Variants in SIPA1L1 observed in about 807,000 individuals in gnomAD.
SIPA1L1 encodes the protein signal-induced proliferation-associated 1-like protein 1.
A neutral mutation model predicts 162.7 loss-of-function variants in SIPA1L1; 26 were observed. The observed-to-expected ratio is 0.16, with a 90% CI of 0.12 to 0.22. The LOEUF is 0.22. Ranked by LOEUF, SIPA1L1 falls within the 10% of genes least tolerant of loss-of-function variation. SIPA1L1 has a pLI of 1.00. For synonymous variants in SIPA1L1, 829 were observed against 837.4 expected (o/e 0.99, Z 0.17); for missense variants, 1,874 against 2,241.0 (o/e 0.84, Z 3.31).
chr14:71,643,862 C>G (rs185743968), intron 7 of SIPA1L1, among the ~76,000 whole-genome samples: 1 of 152,274 alleles, frequency 6.6e-6, no homozygotes, highest in African/African-American at 2.4e-5. Context: ...GGCTGGAGTG[C>G]AGTGGCACGA....
intron 7 of SIPA1L1, 116 bp from the exon 8 acceptor site, chr14:71,650,219 G>T (rs2042508447): frequency 2.9e-6 from 3 of 1,020,898 alleles, no homozygotes; most frequent in Non-Finnish European, 4.6e-6. Context: ...AGGATTTCAA[G>T]AGAAGAAAGG....
intron 22 of SIPA1L1, among the ~76,000 whole-genome samples, chr14:71,737,535 C>T (rs916018575): frequency 2.0e-5 from 3 of 152,144 alleles, no homozygotes; most frequent in South Asian, 4.2e-4. Flanking sequence ...CCAGCCATGC[C>T]GTCTGTCTAG....
At chr14:71,499,705 A>G (rs150254714) in intron 2 of SIPA1L1, among the ~76,000 whole-genome samples, 2 of 152,212 alleles carry the variant, frequency 1.3e-5, no homozygotes, top group African/African-American at 4.8e-5. Flanking sequence ...TAATTTTAGT[A>G]ATGAGATATT....
chr14:71,658,365 A>G lies in SIPA1L1; in HGVS notation c.2026A>G (p.Thr676Ala). ...CACTGGAACCCATTCTCTGTACACA[A>G]CATACAAAGATTATGAAATTATGTT... is the stretch of plus-strand genomic sequence containing the variant. Reference protein sequence around the residue: ...DSTGTHSLYTTYKDYEIMFHV... With the variant: ...DSTGTHSLYTAYKDYEIMFHV... The change falls in exon 9 of 24, where the codon ACA (threonine) becomes GCA (alanine). Residue 676 changes from threonine (T) to alanine (A), a missense_variant. This residue lies in a region of SIPA1L1 where 685 missense variants were observed against 828.0 expected (regional missense o/e 0.83). Coordinates refer to ENST00000381232, the MANE Select transcript of SIPA1L1 (RefSeq NM_001386936.1). The G allele has an allele frequency of 1.9e-6, 3 of 1,610,580 alleles. No individual in the cohort carries two copies. Among genetic ancestry groups the G allele is most frequent in the East Asian group, 2.2e-5 (1 of 44,850 alleles).
chr14:71,609,447 TTTA>T (rs2037933876), intron 5 of SIPA1L1, among the ~76,000 whole-genome samples: 1 of 127,786 alleles, frequency 7.8e-6, no homozygotes, highest in Admixed American at 7.3e-5. Flanking sequence ...ATTTTATTTA[TTTA>T]TTTATTTATT....
At chr14:71,411,464 A>T (rs1191637149) in intron 2 of SIPA1L1, among the ~76,000 whole-genome samples, 1 of 152,002 alleles carries the variant, frequency 6.6e-6, no homozygotes, top group Non-Finnish European at 1.5e-5. Context: ...CTAGCTCTTA[A>T]CTGGGGCTGC....
intron 2 of SIPA1L1, among the ~76,000 whole-genome samples, chr14:71,400,204 T>C (rs75465753): frequency 0.011 from 1,665 of 152,270 alleles, 15 homozygotes; most frequent in East Asian, 0.021. Flanking sequence ...AAAGTGACTT[T>C]TCTGGTGTGA....
intron 12 of SIPA1L1, among the ~76,000 whole-genome samples, chr14:71,675,429 T>A (rs2045043445): frequency 7.0e-6 from 1 of 143,134 alleles, no homozygotes; most frequent in Admixed American, 7.1e-5. Context: ...CCATACAGTT[T>A]CCATCTGAAA....
chr14:71,418,973 G>T (rs1384157165), intron 2 of SIPA1L1, among the ~76,000 whole-genome samples: 3 of 152,170 alleles, frequency 2.0e-5, no homozygotes, highest in African/African-American at 7.2e-5. Flanking sequence ...ACTCACATCT[G>T]CACAAAATGG....
chr14:71,674,587 C>T (rs1171800518), intron 12 of SIPA1L1, among the ~76,000 whole-genome samples: 2 of 139,158 alleles, frequency 1.4e-5, no homozygotes, highest in Admixed American at 7.3e-5. Context: ...TTTTTTTAGA[C>T]GGAGTCTCGC....
intron 2 of SIPA1L1, among the ~76,000 whole-genome samples, chr14:71,400,374 T>TAA (rs2041575552): frequency 6.6e-6 from 1 of 152,188 alleles, no homozygotes; most frequent in Admixed American, 6.5e-5. Context: ...TCTCGGGACT[T>TAA]AAGGCTATTT....
intron 7 of SIPA1L1, among the ~76,000 whole-genome samples, chr14:71,633,913 A>G (rs1259824358): frequency 6.6e-6 from 1 of 152,178 alleles, no homozygotes; most frequent in Non-Finnish European, 1.5e-5. Flanking sequence ...AAAGTATTCA[A>G]AGAAATATTT....
chr14:71,541,138 C>T (rs139112446), intron 4 of SIPA1L1, among the ~76,000 whole-genome samples: 1,673 of 151,918 alleles, frequency 0.011, 16 homozygotes, highest in East Asian at 0.021. Context: ...AGAAGAAGAA[C>T]TTATTTATGC....
At chr14:71,376,153 C>CA (rs2141094820) in intron 2 of SIPA1L1, among the ~76,000 whole-genome samples, 1 of 152,222 alleles carries the variant, frequency 6.6e-6, no homozygotes, top group Non-Finnish European at 1.5e-5. Flanking sequence ...CCAGTGAAAT[C>CA]ATATGGACTT....
At chr14:71,598,928 A>T (rs1287388260) in intron 5 of SIPA1L1, among the ~76,000 whole-genome samples, 1 of 151,782 alleles carries the variant, frequency 6.6e-6, no homozygotes, top group African/African-American at 2.4e-5. Flanking sequence ...TGTACTCATT[A>T]ACCACCCTCT....
At position 71,671,530 on chromosome 14, in the gene SIPA1L1, A is replaced by G; in HGVS notation, c.2667A>G (p.Glu889=). 6.2e-7 allele frequency: 1 copy of G among 1,614,214 alleles called. No individual in the cohort carries two copies. Among genetic ancestry groups the G allele is most frequent in the Non-Finnish European group, 8.5e-7 (1 of 1,180,032 alleles). Residue 889 remains glutamate, a synonymous_variant, in exon 11 of 24, where the codon GAA becomes GAG. Coordinates refer to ENST00000381232, the MANE Select transcript of SIPA1L1 (RefSeq NM_001386936.1). The part of the protein sequence containing the change: ...GISNEFIVLI[E]QETKSVVFNC... ...CCAATGAGTTCATTGTGCTCATTGA[A>G]CAGGAAACAAAGAGCGTGGTCTTCA...
chr14:71,483,923 C>CTGCA (rs1347888992), intron 2 of SIPA1L1, among the ~76,000 whole-genome samples: 2 of 152,168 alleles, frequency 1.3e-5, no homozygotes, highest in African/African-American at 4.8e-5. Context: ...CTAGGTTGGG[C>CTGCA]TGCATGCCCC....
rs78507872 is a variant in SIPA1L1, at chr14:71,701,274, T to C, written c.3522-1107T>C. ...TTTTACCCATACATGTATCAGCCTA[T>C]AGCAAGAAGACACCCCACAAGCATC... On this transcript the variant is annotated intron_variant, in intron 14 of 23. Coordinates refer to ENST00000381232, the MANE Select transcript of SIPA1L1 (RefSeq NM_001386936.1). 2.9e-3 allele frequency among the ~76,000 whole-genome samples: 443 copies of C among 152,128 alleles called. 5 individuals are homozygous for C. Among genetic ancestry groups the C allele is most frequent in the African/African-American group, 9.8e-3 (408 of 41,500 alleles).
chr14:71,357,938 G>C (rs2037432804), intron 2 of SIPA1L1, among the ~76,000 whole-genome samples: 1 of 152,082 alleles, frequency 6.6e-6, no homozygotes, highest in African/African-American at 2.4e-5. Context: ...TGTTACATTG[G>C]CCAGGTTGGT....
Sources: gnomAD v4.1 joint callset for allele counts (sites outside exome capture counted in the v4.1 genomes callset) on GRCh38, gnomAD v4.1.1 for gene constraint, gnomAD v4.1.1 regional missense constraint, MANE v1.5 for transcripts, NCBI Gene and HGNC (gene_info 2026-07-23, HGNC 2026-07-21) for gene names.